GRIK1: variants seen among roughly 807,000 people sequenced by gnomAD.
The protein encoded by GRIK1 is glutamate receptor ionotropic, kainate 1.
GRIK1 carries 69 observed loss-of-function variants against 105.7 expected under a neutral mutation model. The ratio of observed to expected loss-of-function variants is 0.65; its 90% CI spans 0.54 to 0.80. GRIK1 has a LOEUF of 0.80. Ranked by LOEUF, GRIK1 falls within the 30% of genes least tolerant of loss-of-function variation. The probability of loss-of-function intolerance (pLI) is 0.00; values close to 1 mark genes in which losing one functional copy is unlikely to be tolerated. For missense variants in GRIK1, 1,109 were observed against 1,167.3 expected, an observed-to-expected ratio of 0.95 and a Z score of 0.73; for synonymous variants, 438 against 431.3, an observed-to-expected ratio of 1.02 and a Z score of -0.19.
intron 1 of GRIK1, among the ~76,000 whole-genome samples, chr21:29,874,937 T>C (rs544556895): frequency 2.0e-5 from 3 of 152,068 alleles, no homozygotes; most frequent in Admixed American, 6.6e-5. Flanking sequence ...GACTATTTAT[T>C]AAGAATGCTT....
At chr21:29,825,523 T>G (rs1248998762) in intron 1 of GRIK1, among the ~76,000 whole-genome samples, 1 of 152,108 alleles carries the variant, frequency 6.6e-6, no homozygotes, top group Non-Finnish European at 1.5e-5. Context: ...GAATAACACA[T>G]GAATATGTTA....
At chr21:29,839,336 C>G (rs2067908914) in intron 1 of GRIK1, among the ~76,000 whole-genome samples, 1 of 152,168 alleles carries the variant, frequency 6.6e-6, no homozygotes, top group South Asian at 2.1e-4. Flanking sequence ...AGGCATGAGC[C>G]ACCATGCCTG....
chr21:29,644,975 A>T (rs1252232048), intron 6 of GRIK1, among the ~76,000 whole-genome samples: 1 of 152,208 alleles, frequency 6.6e-6, no homozygotes, highest in African/African-American at 2.4e-5. Flanking sequence ...GGCAATATTC[A>T]AACCCACAAA....
chr21:29,726,303 G>GT (rs1285145474), intron 1 of GRIK1, among the ~76,000 whole-genome samples: 3 of 152,030 alleles, frequency 2.0e-5, no homozygotes, highest in Non-Finnish European at 4.4e-5. Context: ...AAGCACTCTG[G>GT]TTTTTTTCTC....
intron 8 of GRIK1, among the ~76,000 whole-genome samples, chr21:29,597,113 A>G (rs750794200): frequency 6.6e-6 from 1 of 152,190 alleles, no homozygotes; most frequent in Non-Finnish European, 1.5e-5. Flanking sequence ...TGACTCCAAG[A>G]GAGGCTGACA....
intron 1 of GRIK1, among the ~76,000 whole-genome samples, chr21:29,854,942 T>C (rs530128512): frequency 5.3e-5 from 8 of 152,350 alleles, no homozygotes; most frequent in South Asian, 4.1e-4. Context: ...ATTTGCATCA[T>C]AGAAAAAGGC....
At chr21:29,545,866 C>T (rs1211509032) in intron 16 of GRIK1, among the ~76,000 whole-genome samples, 1 of 152,182 alleles carries the variant, frequency 6.6e-6, no homozygotes, top group Non-Finnish European at 1.5e-5. Flanking sequence ...AGAGGTTCCC[C>T]ATCTGCTAGT....
chr21:29,893,020 C>A (rs1054748803), intron 1 of GRIK1, among the ~76,000 whole-genome samples: 2 of 152,252 alleles, frequency 1.3e-5, no homozygotes, highest in Middle Eastern at 3.4e-3. Flanking sequence ...ACTGAAGATA[C>A]AATTAGCTGG....
At chr21:29,588,403 T>G (rs138260861) in intron 11 of GRIK1, among the ~76,000 whole-genome samples, 32 of 152,262 alleles carry the variant, frequency 2.1e-4, no homozygotes, top group African/African-American at 7.7e-4. Context: ...TCATGGGGTA[T>G]TGGGATCTGG....
intron 1 of GRIK1, among the ~76,000 whole-genome samples, chr21:29,759,178 C>CA (rs1291730376): frequency 2.0e-5 from 3 of 150,506 alleles, no homozygotes. Context: ...AGTGCAGTGA[C>CA]ACAATCTTGG....
At chr21:29,682,677 T>C (rs1202929348) in intron 3 of GRIK1, among the ~76,000 whole-genome samples, 1 of 152,158 alleles carries the variant, frequency 6.6e-6, no homozygotes, top group African/African-American at 2.4e-5. Context: ...ACTACAAAAA[T>C]TTTGGAAGAA....
At chr21:29,576,428 C>A (rs760748867) in intron 14 of GRIK1, among the ~76,000 whole-genome samples, 46 of 152,288 alleles carry the variant, frequency 3.0e-4, no homozygotes, top group Non-Finnish European at 5.4e-4. Context: ...TTCATCAATG[C>A]GGACTCAGTA....
chr21:29,545,847 C>A (rs1212111657), intron 16 of GRIK1, among the ~76,000 whole-genome samples: 1 of 151,552 alleles, frequency 6.6e-6, no homozygotes, highest in Non-Finnish European at 1.5e-5. Flanking sequence ...ATAGAACTCA[C>A]CTTAGCTTAG....
chr21:29,662,463 C>T (rs2062984151), intron 4 of GRIK1, among the ~76,000 whole-genome samples: 1 of 152,282 alleles, frequency 6.6e-6, no homozygotes, highest in African/African-American at 2.4e-5. Flanking sequence ...CAAATTTTAA[C>T]AGCAAATTAT....
chr21:29,648,541 T>C (rs1441721124), intron 6 of GRIK1, among the ~76,000 whole-genome samples: 1 of 147,972 alleles, frequency 6.8e-6, no homozygotes, highest in Admixed American at 6.7e-5. Flanking sequence ...CTTTATTAAA[T>C]ACATATTTAT....
In GRIK1 at chr21:29,689,779, C is replaced by T. The variant is rs1416674913; in HGVS notation, c.493G>A (p.Val165Ile). 4 of 1,613,770 alleles carry T rather than the reference C, an allele frequency of 2.5e-6. No individual in the cohort carries two copies. The highest frequency in any genetic ancestry group is 3.3e-5 in the Admixed American group (2 of 59,998). The stretch of plus-strand genomic sequence containing the variant: ...ACTGTTTTCCAGTTGTAATAGAGGA[C>T]CAGATCCAGGATCGCCCTGCTGATA... ...AAISRAILDL[V>I]LYYNWKTVTV... Residue 165 changes from valine to isoleucine, a missense_variant, in exon 3 of 18, where the codon GTC becomes ATC. Physicochemically the swap from Val to Ile is conservative, Grantham distance 29. This residue lies in a region of GRIK1 where 612 missense variants were observed against 586.0 expected (regional missense o/e 1.04). Transcript: ENST00000327783.
At chr21:29,682,835 G>A (rs2146683724) in intron 3 of GRIK1, among the ~76,000 whole-genome samples, 1 of 152,242 alleles carries the variant, frequency 6.6e-6, no homozygotes, top group East Asian at 1.9e-4. Context: ...TATCAACAGA[G>A]TAAACAGACA....
At chr21:29,582,637 C>CTGAG (rs1473521751) in intron 12 of GRIK1, among the ~76,000 whole-genome samples, 1 of 152,132 alleles carries the variant, frequency 6.6e-6, no homozygotes, top group East Asian at 1.9e-4. Context: ...AAGGAGGTCT[C>CTGAG]TGCTCTGTGG....
At chr21:29,635,191 C>G (rs1008294107) in intron 7 of GRIK1, among the ~76,000 whole-genome samples, 4 of 152,164 alleles carry the variant, frequency 2.6e-5, no homozygotes, top group African/African-American at 9.7e-5. Flanking sequence ...TACTGTAATG[C>G]TTTCACTCAG....
Sources: gnomAD v4.1 joint callset for allele counts (sites outside exome capture counted in the v4.1 genomes callset) on GRCh38, gnomAD v4.1.1 for gene constraint, gnomAD v4.1.1 regional missense constraint, MANE v1.5 for transcripts, NCBI Gene and HGNC (gene_info 2026-07-23, HGNC 2026-07-21) for gene names.